The following CDK17 variants were observed in gnomAD, a reference collection of about 807,000 sequenced individuals.
The protein encoded by CDK17 is cyclin dependent kinase 17.
Under a neutral mutation model 77.6 loss-of-function variants are expected in CDK17, and 24 were observed. The ratio of observed to expected loss-of-function variants is 0.31; its 90% CI spans 0.22 to 0.44. The LOEUF is 0.44. Among genes scored for constraint, CDK17 ranks in the 20% least tolerant of loss-of-function variants. The pLI is 1.00. For synonymous variants in CDK17, 203 were observed against 210.4 expected, an observed-to-expected ratio of 0.96 and a Z score of 0.30; for missense variants, 429 against 622.5, an observed-to-expected ratio of 0.69 and a Z score of 3.31.
intron 9 of CDK17, among the ~76,000 whole-genome samples, chr12:96,295,558 C>G (rs140002294): frequency 1.8e-3 from 272 of 151,914 alleles, no homozygotes; most frequent in African/African-American, 5.8e-3. Flanking sequence ...AACAAAAACT[C>G]TGATCTGGGG....
At chr12:96,332,921 T>C (rs1330901582) in intron 2 of CDK17, among the ~76,000 whole-genome samples, 2 of 152,226 alleles carry the variant, frequency 1.3e-5, no homozygotes, top group African/African-American at 4.8e-5. Context: ...AAATATGCAA[T>C]TGGTCTAAAA....
chr12:96,315,307 T>C (rs1034348218), intron 3 of CDK17, among the ~76,000 whole-genome samples: 1 of 152,238 alleles, frequency 6.6e-6, no homozygotes, highest in African/African-American at 2.4e-5. Flanking sequence ...TGTATTTTTG[T>C]CTTGGTTAAC....
intron 10 of CDK17, among the ~76,000 whole-genome samples, chr12:96,289,933 G>T (rs1952300386): frequency 6.6e-6 from 1 of 152,042 alleles, no homozygotes; most frequent in Non-Finnish European, 1.5e-5. Flanking sequence ...TACGTCAGGG[G>T]TGTCCAATCT....
intron 1 of CDK17, among the ~76,000 whole-genome samples, chr12:96,335,771 G>A (rs1953032787): frequency 6.6e-6 from 1 of 152,094 alleles, no homozygotes; most frequent in African/African-American, 2.4e-5. Context: ...TCATAGTAGA[G>A]TCTTGGATAT....
At chr12:96,289,568 A>T (rs1952293490) in intron 10 of CDK17, among the ~76,000 whole-genome samples, 1 of 152,206 alleles carries the variant, frequency 6.6e-6, no homozygotes, top group Non-Finnish European at 1.5e-5. Context: ...TCTAAACTTA[A>T]GATGTTTTCC....
At chr12:96,384,026 T>C (rs1953929189) in intron 1 of CDK17, among the ~76,000 whole-genome samples, 1 of 151,748 alleles carries the variant, frequency 6.6e-6, no homozygotes, top group African/African-American at 2.4e-5. Context: ...AAAGGACTAA[T>C]ATTCAGAATC....
At chr12:96,360,481 G>C (rs1953475318) in intron 1 of CDK17, among the ~76,000 whole-genome samples, 2 of 152,164 alleles carry the variant, frequency 1.3e-5, no homozygotes, top group South Asian at 4.1e-4. Flanking sequence ...TTTGATACCA[G>C]GTTAAGATTT....
chr12:96,366,308 C>T (rs1223422359), intron 1 of CDK17, among the ~76,000 whole-genome samples: 2 of 152,312 alleles, frequency 1.3e-5, no homozygotes, highest in Non-Finnish European at 2.9e-5. Flanking sequence ...TGTTACCCTT[C>T]CTACACAGCA....
At chr12:96,325,487 C>G (rs1250782558) in intron 2 of CDK17, among the ~76,000 whole-genome samples, 1 of 152,242 alleles carries the variant, frequency 6.6e-6, no homozygotes, top group Non-Finnish European at 1.5e-5. Flanking sequence ...ATCCGCAGAA[C>G]AGGACCAGGG....
At chr12:96,310,954 AAAGTC>A (rs952851844) in intron 5 of CDK17, 93 bp downstream of exon 5, 15 of 1,271,108 alleles carry the variant, frequency 1.2e-5, no homozygotes, top group Non-Finnish European at 8.6e-6. Flanking sequence ...TAGCTATTCT[AAAGTC>A]AAGTATAAAA....
At position 96,353,605 on chromosome 12, in the gene CDK17, C is replaced by CGGG. The variant is rs11369777; in HGVS notation, c.-29-18743_-29-18741dup. Among the ~76,000 whole-genome samples, 230 of 140,912 alleles carry CGGG rather than the reference C, an allele frequency of 1.6e-3. 1 individual carries two copies. The highest frequency in any genetic ancestry group is 4.5e-3 in the African/African-American group (174 of 38,276). The allele number at this position is 140,912 out of a possible 152,430, so 92.4% of individuals were successfully genotyped here. ...AATGTCAACAGAGTTTAAAAGGTGGCGGGGGGGGGCGCGGGTACAAATATT... is the reference window on the plus strand; with the variant it reads ...AATGTCAACAGAGTTTAAAAGGTGGCGGGGGGGGGGGGCGCGGGTACAAATATT... On this transcript the variant is annotated intron_variant, in intron 1 of 16. Transcript: ENST00000261211.
At chr12:96,367,541 C>G (rs1953608153) in intron 1 of CDK17, among the ~76,000 whole-genome samples, 1 of 151,932 alleles carries the variant, frequency 6.6e-6, no homozygotes, top group African/African-American at 2.4e-5. Context: ...ATATTACTCT[C>G]AGTTATGAAT....
chr12:96,362,742 C>A (rs559922883), intron 1 of CDK17, among the ~76,000 whole-genome samples: 2 of 152,234 alleles, frequency 1.3e-5, no homozygotes. Flanking sequence ...TAACCACATA[C>A]AATTTTTTTA....
chr12:96,286,006 T>A (rs1257853310), intron 13 of CDK17, 37 bp downstream of exon 13: 2 of 991,316 alleles, frequency 2.0e-6, no homozygotes, highest in East Asian at 2.5e-5. Context: ...AAAAGAATCA[T>A]GTGTTTTCCC....
intron 1 of CDK17, among the ~76,000 whole-genome samples, chr12:96,360,924 G>A (rs138089971): frequency 2.0e-5 from 3 of 152,280 alleles, no homozygotes; most frequent in African/African-American, 7.2e-5. Context: ...TTGCTAACCA[G>A]GAAAATTGGA....
intron 1 of CDK17, among the ~76,000 whole-genome samples, chr12:96,363,671 G>C (rs962205108): frequency 6.6e-6 from 1 of 151,820 alleles, no homozygotes; most frequent in Non-Finnish European, 1.5e-5. Flanking sequence ...CACAGTGAAA[G>C]CCTGTCTGTA....
At chr12:96,328,365 C>A (rs10860017) in intron 2 of CDK17, among the ~76,000 whole-genome samples, 149,993 of 152,172 alleles carry the variant, frequency 0.99, 73,925 homozygotes, top group Middle Eastern at 1. Flanking sequence ...AATAAATATA[C>A]TATGCTTGAA....
intron 11 of CDK17, among the ~76,000 whole-genome samples, chr12:96,287,115 G>A (rs1952256519): frequency 6.6e-6 from 1 of 152,132 alleles, no homozygotes; most frequent in Non-Finnish European, 1.5e-5. Flanking sequence ...GTAGACCATG[G>A]ATTGAACAGC....
chr12:96,348,596 A>G (rs747013596), intron 1 of CDK17, among the ~76,000 whole-genome samples: 1 of 151,980 alleles, frequency 6.6e-6, no homozygotes, highest in Non-Finnish European at 1.5e-5. Flanking sequence ...CTGACTAACA[A>G]GAAGAGATTA....
Sources: gnomAD v4.1 joint callset for allele counts (sites outside exome capture counted in the v4.1 genomes callset) on GRCh38, gnomAD v4.1.1 for gene constraint, MANE v1.5 for transcripts, NCBI Gene and HGNC (gene_info 2026-07-23, HGNC 2026-07-21) for gene names.